The following RBMX variants were observed in gnomAD, a reference collection of about 807,000 sequenced individuals.
The protein encoded by RBMX is RNA binding motif protein X-linked, also known as RNA-binding motif protein, X chromosome.
In RBMX, 1 loss-of-function variant was observed where a neutral mutation model predicts 29.3. The ratio of observed to expected loss-of-function variants is 0.03; its 90% CI spans 0.01 to 0.16. The LOEUF is 0.16. Ranked by LOEUF, RBMX falls within the 10% of genes least tolerant of loss-of-function variation. The pLI, the probability that RBMX is intolerant of heterozygous loss-of-function variation, is 1.00. For synonymous variants in RBMX, 102 were observed against 102.3 expected (o/e 1.00, Z 0.02); for missense variants, 121 against 333.2 (o/e 0.36, Z 4.96).
chrX:136,878,941 T>C, intron 3 of RBMX, 76 bp downstream of exon 3: 1 of 1,160,082 alleles, frequency 8.6e-7, no homozygotes, highest in Non-Finnish European at 1.2e-6. Context: ...AAAGCTGTCC[T>C]AGACCAGACT....
At chrX:136,874,595 A>G (rs960004161) in intron 8 of RBMX, 143 bp from the exon 9 acceptor site, 4 of 719,231 alleles carry the variant, frequency 5.6e-6, no homozygotes, top group Admixed American at 3.8e-5. Flanking sequence ...ATTGCTGGCC[A>G]TAACAGGGAT....
downstream of RBMX, among the ~76,000 whole-genome samples, chrX:136,872,014 C>A (rs2077688485): frequency 9.0e-6 from 1 of 111,080 alleles, no homozygotes; most frequent in African/African-American, 3.3e-5. Flanking sequence ...GAGCTATAAG[C>A]AAGCTTTATG....
At chrX:136,874,898 C>A in intron 8 of RBMX, 188 bp downstream of exon 8, 1 of 839,436 alleles carries the variant, frequency 1.2e-6, no homozygotes. Flanking sequence ...AAGCAAACAG[C>A]CTCAAAAGAA....
At chrX:136,876,313 G>A (rs773688570) in intron 5 of RBMX, among the ~76,000 whole-genome samples, 190 bp downstream of exon 5, 9 of 108,180 alleles carry the variant, frequency 8.3e-5, no homozygotes, top group East Asian at 5.8e-4. Context: ...TAGTAGAGAC[G>A]GGGTTTCACC....
chrX:136,878,594 A>AGTTAGCCG (rs1419094308), intron 3 of RBMX, among the ~76,000 whole-genome samples: 1 of 78,529 alleles, frequency 1.3e-5, no homozygotes, highest in Non-Finnish European at 2.2e-5. Flanking sequence ...AAAAATACAA[A>AGTTAGCCG]GTTAGCCGGG....
chrX:136,878,288 C>A (rs1011891503), intron 3 of RBMX, among the ~76,000 whole-genome samples: 1 of 110,903 alleles, frequency 9.0e-6, no homozygotes, highest in African/African-American at 3.3e-5. Context: ...AAAACCGATA[C>A]TGATGATCTG....
downstream of RBMX, chrX:136,873,430 AG>A: frequency 5.3e-6 from 4 of 753,691 alleles, no homozygotes; most frequent in Non-Finnish European, 6.3e-6. Context: ...AATTTGAAAC[AG>A]TAAGAGCAAG....
At chrX:136,872,513 G>T, downstream of RBMX, 4 of 466,658 alleles carry the variant, frequency 8.6e-6, no homozygotes, top group Non-Finnish European at 1.5e-5. Flanking sequence ...TCACTGGCTC[G>T]GGATGGACTG....
chrX:136,877,015 A>G lies in RBMX; in HGVS notation c.389-360T>C, dbSNP rs79722321. Among the ~76,000 whole-genome samples the G allele has an allele frequency of 5.9e-3, 637 of 107,535 alleles. 27 individuals carry two copies. The East Asian group carries it at 0.13, about 22-fold the overall frequency. The allele number at this position is 107,535 out of a possible 115,157, so 93.4% of individuals were successfully genotyped here. ...GTGTGAGCCACCAGGCTCGGCCACT[A>G]TAAAAGTTTTCTTTGCTTCATCAAG... On this transcript the variant is annotated intron_variant, in intron 4 of 8. Transcript: ENST00000320676.
At chrX:136,876,427 A>C in intron 5 of RBMX, 76 bp downstream of exon 5, 1 of 1,070,813 alleles carries the variant, frequency 9.3e-7, no homozygotes. Flanking sequence ...TGGCCAATTA[A>C]AATTTTAAGC....
At chrX:136,872,226 A>G (rs1371848748), downstream of RBMX, 7 of 994,578 alleles carry the variant, frequency 7.0e-6, no homozygotes, top group East Asian at 3.4e-5. Context: ...TGGTAGTTAC[A>G]CAACATTTAA....
downstream of RBMX, chrX:136,872,230 C>T (rs1304025588): frequency 6.8e-6 from 7 of 1,030,060 alleles, no homozygotes; most frequent in Non-Finnish European, 9.3e-6. Flanking sequence ...AGTTACACAA[C>T]ATTTAAACCT....
At chrX:136,877,850 C>A in intron 4 of RBMX, 65 bp downstream of exon 4, 1 of 1,039,408 alleles carries the variant, frequency 9.6e-7, no homozygotes, top group Non-Finnish European at 1.3e-6. Context: ...ACCAAAGCAT[C>A]CACTTGGTGT....
At chrX:136,878,987 G>A (rs1465210456) in intron 3 of RBMX, 30 bp downstream of exon 3, 2 of 1,204,635 alleles carry the variant, frequency 1.7e-6, no homozygotes, top group Non-Finnish European at 1.1e-6. Context: ...ACTAGTAACA[G>A]GTTATCATCC....
In RBMX at chrX:136,880,606, G is replaced by T; in HGVS notation, c.-36C>A. 8.3e-6 allele frequency: 1 copy of T among 120,730 alleles called. No homozygotes were observed. The allele number at this position is 120,730 out of a possible 1,213,427, so 9.9% of individuals were successfully genotyped here. On this transcript the variant is annotated 5_prime_UTR_variant, in exon 1 of 9. Transcript: ENST00000320676. ...GAAAGGAGACACGTACCGGAGGGGT[G>T]ACAATGGGTTCAAGCTCCAACGAGC...
chrX:136,870,282 A>G (rs1245334044), downstream of RBMX: 1 of 112,699 alleles, frequency 8.9e-6, no homozygotes, highest in Non-Finnish European at 1.9e-5. Context: ...AGTGTTAATC[A>G]ACACTGATGC....
chrX:136,879,000 C>T lies in RBMX; in HGVS notation c.216+17G>A. On this transcript the variant is annotated intron_variant, in intron 3 of 8. Transcript: ENST00000320676. ...GCACTAGTAACAGGTTATCATCCAT[C>T]GTGTAGACAATCTCACCTTTCCATT... 1 of 1,208,715 alleles carries T rather than the reference C, an allele frequency of 8.3e-7. No individual in the cohort carries two copies. The highest frequency in any genetic ancestry group is 1.1e-6 in the Non-Finnish European group (1 of 894,726).
At chrX:136,876,715 A>AGTTTTTTT in intron 4 of RBMX, 60 bp from the exon 5 acceptor site, 2 of 942,575 alleles carry the variant, frequency 2.1e-6, no homozygotes, top group Non-Finnish European at 2.8e-6. Context: ...AAGATATAAA[A>AGTTTTTTT]GTTTTTTTTT....
chrX:136,878,221 T>C, intron 3 of RBMX, 135 bp from the exon 4 acceptor site: 3 of 524,758 alleles, frequency 5.7e-6, no homozygotes, highest in Non-Finnish European at 8.7e-6. Flanking sequence ...GAAAAAACAC[T>C]GCAAATATAG....
Sources: allele counts gnomAD v4.1 joint callset (sites outside exome capture counted in the v4.1 genomes callset), GRCh38; gene constraint gnomAD v4.1.1; transcripts MANE v1.5; gene names NCBI Gene and HGNC (gene_info 2026-07-23, HGNC 2026-07-21).